ZNF680: variants seen among roughly 807,000 people sequenced by gnomAD.
The protein encoded by ZNF680 is zinc finger protein 680.
A neutral mutation model predicts 12.1 loss-of-function variants in ZNF680; 6 were observed. The observed-to-expected ratio is 0.49, with a 90% confidence interval of 0.27 to 0.98. The LOEUF (loss-of-function observed/expected upper bound fraction) is 0.98. Among genes scored for constraint, ZNF680 ranks in the 50% least tolerant of loss-of-function variants. The probability of loss-of-function intolerance (pLI) is 0.12; values close to 1 mark genes in which losing one functional copy is unlikely to be tolerated. For missense variants in ZNF680, 561 were observed against 616.3 expected, an observed-to-expected ratio of 0.91 and a Z score of 0.95; for synonymous variants, 170 against 199.3, an observed-to-expected ratio of 0.85 and a Z score of 1.24.
chr7:64,530,064 T>G (rs1337721682), intron 3 of ZNF680, among the ~76,000 whole-genome samples: 1 of 152,150 alleles, frequency 6.6e-6, no homozygotes, highest in Admixed American at 6.5e-5. Flanking sequence ...GCATCACATA[T>G]GAAGGAAAGA....
chr7:64,559,411 G>A (rs918956613), intron 1 of ZNF680, among the ~76,000 whole-genome samples: 7 of 152,122 alleles, frequency 4.6e-5, no homozygotes, highest in African/African-American at 1.7e-4. Flanking sequence ...CCGGGCCAGA[G>A]TGACTCAGCA....
chr7:64,539,193 TA>T lies in ZNF680; in HGVS notation c.253+4513del, dbSNP rs1176491282. 6.8e-5 allele frequency among the ~76,000 whole-genome samples: 8 copies of T among 117,276 alleles called. No individual in the cohort carries two copies. The East Asian group carries it at 1.1e-3, about 16-fold the overall frequency. 76.9% of individuals were successfully genotyped at this position (117,276 alleles called of 152,430 possible). On this transcript the variant is annotated intron_variant, in intron 3 of 3. Coordinates refer to ENST00000309683, the MANE Select transcript of ZNF680 (RefSeq NM_178558.5). Reference sequence around the variant, plus strand: ...ATCCAGATGTTGATTTATAAATACATAAAAAAAGTAACATATGTATACAATG... The same window carrying T: ...ATCCAGATGTTGATTTATAAATACATAAAAAAGTAACATATGTATACAATG...
chr7:64,524,113 T>C (rs1026511382), intron 3 of ZNF680, among the ~76,000 whole-genome samples: 1 of 151,710 alleles, frequency 6.6e-6, no homozygotes, highest in South Asian at 2.1e-4. Flanking sequence ...TTATGAAATA[T>C]ACTTGAAGTC....
At chr7:64,544,596 T>C (rs1786685595) in intron 1 of ZNF680, among the ~76,000 whole-genome samples, 164 bp from the exon 2 acceptor site, 1 of 152,196 alleles carries the variant, frequency 6.6e-6, no homozygotes, top group Non-Finnish European at 1.5e-5. Flanking sequence ...TAAATTTCAA[T>C]GCAGAAATAT....
chr7:64,519,520 A>T (rs1019081375), downstream of ZNF680, among the ~76,000 whole-genome samples: 1 of 151,794 alleles, frequency 6.6e-6, no homozygotes, highest in African/African-American at 2.4e-5. Context: ...ATTATATGAA[A>T]AAAGATACTT....
chr7:64,506,462 A>G, the ZNF680 span, among the ~76,000 whole-genome samples: 1 of 152,110 alleles, frequency 6.6e-6, no homozygotes, highest in Admixed American at 6.5e-5. Flanking sequence ...TGCTGGGATT[A>G]CAGGCGTGAG....
the ZNF680 span, among the ~76,000 whole-genome samples, chr7:64,503,106 T>C: frequency 6.6e-6 from 1 of 152,204 alleles, no homozygotes; most frequent in Admixed American, 6.5e-5. Flanking sequence ...ACATTTCAAA[T>C]GAAACCACCA....
At chr7:64,539,373 AAAG>A (rs1287728420) in intron 3 of ZNF680, among the ~76,000 whole-genome samples, 79 of 57,004 alleles carry the variant, frequency 1.4e-3, no homozygotes, top group African/African-American at 2.6e-3. Context: ...AAAAAAAAAA[AAAG>A]AAAAGAAAAT....
chr7:64,512,611 TA>T, the ZNF680 span, among the ~76,000 whole-genome samples: 10 of 152,196 alleles, frequency 6.6e-5, no homozygotes, highest in Non-Finnish European at 1.5e-4. Flanking sequence ...AAATCTCATT[TA>T]AAAAAAATTT....
At chr7:64,500,767 G>T in the ZNF680 span, 1 of 313,212 alleles carries the variant, frequency 3.2e-6, no homozygotes, top group South Asian at 3.7e-5. Context: ...ACTCAGAATC[G>T]AATCTCTTCT....
At chr7:64,556,266 A>C (rs932923164) in intron 1 of ZNF680, among the ~76,000 whole-genome samples, 43 of 150,708 alleles carry the variant, frequency 2.9e-4, no homozygotes, top group Non-Finnish European at 5.6e-4. Context: ...AACTAAAAAA[A>C]AAAAAAAAAA....
the ZNF680 span, among the ~76,000 whole-genome samples, chr7:64,507,518 A>ATTT: frequency 6.7e-6 from 1 of 148,720 alleles, no homozygotes; most frequent in Non-Finnish European, 1.5e-5. Flanking sequence ...CAATTATTCT[A>ATTT]TTTTTTTTTT....
chr7:64,514,578 ACT>A, the ZNF680 span, among the ~76,000 whole-genome samples: 28 of 152,202 alleles, frequency 1.8e-4, no homozygotes, highest in Admixed American at 2.6e-4. Flanking sequence ...TAATAATAAA[ACT>A]CATAATAAAA....
At chr7:64,552,321 G>A (rs920314746) in intron 1 of ZNF680, among the ~76,000 whole-genome samples, 1 of 152,252 alleles carries the variant, frequency 6.6e-6, no homozygotes, top group Admixed American at 6.5e-5. Context: ...CCTAAGTGCT[G>A]TGATTACAGG....
intron 2 of ZNF680, 188 bp from the exon 3 acceptor site, chr7:64,543,990 A>G: frequency 1.6e-6 from 1 of 611,854 alleles, no homozygotes; most frequent in South Asian, 2.2e-5. Context: ...TTCACTACCC[A>G]GTACTACTGA....
chr7:64,543,888 TA>T, intron 2 of ZNF680, 86 bp from the exon 3 acceptor site: 2 of 1,066,110 alleles, frequency 1.9e-6, no homozygotes, highest in South Asian at 1.4e-5. Flanking sequence ...GAGAATGTCA[TA>T]GCATATTCTA....
intron 3 of ZNF680, among the ~76,000 whole-genome samples, chr7:64,533,151 C>T (rs1348087570): frequency 6.6e-6 from 1 of 152,250 alleles, no homozygotes; most frequent in Middle Eastern, 3.4e-3. Flanking sequence ...TTCAACATAG[C>T]ACTGGAAGTC....
chr7:64,538,593 TAA>T (rs1222458126), intron 3 of ZNF680, among the ~76,000 whole-genome samples: 2 of 152,198 alleles, frequency 1.3e-5, no homozygotes, highest in African/African-American at 4.8e-5. Context: ...ATAGCCACTA[TAA>T]GTTTTCTAGA....
At chr7:64,540,249 A>G (rs1310052503) in intron 3 of ZNF680, among the ~76,000 whole-genome samples, 1 of 152,048 alleles carries the variant, frequency 6.6e-6, no homozygotes, top group Non-Finnish European at 1.5e-5. Flanking sequence ...ATATTTGTAG[A>G]TAAAAGCACA....
Sources: gnomAD v4.1 joint callset for allele counts (sites outside exome capture counted in the v4.1 genomes callset) on GRCh38, gnomAD v4.1.1 for gene constraint, MANE v1.5 for transcripts, NCBI Gene and HGNC (gene_info 2026-07-23, HGNC 2026-07-21) for gene names.